The following VDR variants were observed in gnomAD, a reference collection of about 807,000 sequenced individuals.
VDR encodes vitamin D receptor.
A neutral mutation model predicts 39.7 loss-of-function variants in VDR; 19 were observed. The observed-to-expected ratio is 0.48, with a 90% confidence interval of 0.33 to 0.70. The LOEUF is 0.70. Ranked by LOEUF, VDR falls within the 30% of genes least tolerant of loss-of-function variation. The pLI is 0.02. For missense variants in VDR, 442 were observed against 570.5 expected, an observed-to-expected ratio of 0.77 and a Z score of 2.29; for synonymous variants, 242 against 215.8, an observed-to-expected ratio of 1.12 and a Z score of -1.07.
intron 4 of VDR, 93 bp downstream of exon 4, chr12:47,864,954 G>A (rs919584820): frequency 1.9e-6 from 3 of 1,588,582 alleles, no homozygotes; most frequent in Non-Finnish European, 2.6e-6. Flanking sequence ...GGAAGGGCAG[G>A]CAGACCCTCT....
chr12:47,850,653 T>A (rs1945366483), intron 7 of VDR, among the ~76,000 whole-genome samples: 1 of 152,014 alleles, frequency 6.6e-6, no homozygotes, highest in Non-Finnish European at 1.5e-5. Context: ...GGTGGCGTGG[T>A]GGGAGTAGAG....
Position 47,846,748 on chromosome 12 carries a change from C to T in VDR, c.816G>A (p.Met272Ile), listed in dbSNP as rs1945288616. The T allele has an allele frequency of 6.2e-7, 1 of 1,614,042 alleles. No individual in the cohort carries two copies. Among genetic ancestry groups the T allele is most frequent in the African/African-American group, 1.3e-5 (1 of 74,908 alleles). ...TGGTGAAGGACTCATTGGAGCGCAA[C>T]ATGATGACCTCAATGGCACTTGACT... Reference protein sequence around the residue: ...LLKSSAIEVIMLRSNESFTMD... With the variant: ...LLKSSAIEVIILRSNESFTMD... The change falls in exon 8 of 10, where the codon ATG (methionine) becomes ATA (isoleucine). Residue 272 changes from methionine to isoleucine, a missense_variant. Physicochemically the swap from Met to Ile is conservative, Grantham distance 10 (BLOSUM62 1). Coordinates refer to ENST00000549336, the MANE Select transcript of VDR (RefSeq NM_000376.3).
chr12:47,884,515 C>T (rs11574034), intron 1 of VDR, among the ~76,000 whole-genome samples: 2,471 of 152,250 alleles, frequency 0.016, 67 homozygotes, highest in African/African-American at 0.053. Flanking sequence ...CCTACTGCTC[C>T]GCACTGGGCC....
At chr12:47,881,800 TA>T (rs11574045) in intron 2 of VDR, among the ~76,000 whole-genome samples, 10,814 of 152,208 alleles carry the variant, frequency 0.071, 399 homozygotes, top group African/African-American at 0.096. Context: ...TTTTAGAACA[TA>T]GCACACATTC....
chr12:47,865,329 G>C (rs1945708346), intron 3 of VDR, 152 bp from the exon 4 acceptor site: 1 of 1,138,164 alleles, frequency 8.8e-7, no homozygotes, highest in Admixed American at 1.9e-5. Context: ...CTCACCTCTA[G>C]GCTGGGCACC....
chr12:47,901,902 G>T (rs1055641417), intron 1 of VDR, among the ~76,000 whole-genome samples: 1 of 152,226 alleles, frequency 6.6e-6, no homozygotes, highest in Non-Finnish European at 1.5e-5. Flanking sequence ...TCACACGAGT[G>T]GTGGGCTGGG....
chr12:47,880,816 T>C (rs1197254449), intron 2 of VDR, among the ~76,000 whole-genome samples: 3 of 148,584 alleles, frequency 2.0e-5, no homozygotes, highest in Non-Finnish European at 3.0e-5. Context: ...CTTGCTAAAC[T>C]CTAATGTATA....
chr12:47,858,626 TGGCACGGC>T (rs1945546727), intron 4 of VDR, among the ~76,000 whole-genome samples: 1 of 152,234 alleles, frequency 6.6e-6, no homozygotes, highest in African/African-American at 2.4e-5. Flanking sequence ...CAAAGGTGCC[TGGCACGGC>T]GGCTGGGCAA....
intron 5 of VDR, 106 bp from the exon 6 acceptor site, chr12:47,857,355 A>G (rs1592107392): frequency 6.2e-7 from 1 of 1,606,292 alleles, no homozygotes; most frequent in Non-Finnish European, 8.5e-7. Context: ...CAGGAAGGCG[A>G]AGCCTCCCAG....
intron 3 of VDR, among the ~76,000 whole-genome samples, chr12:47,869,244 T>A (rs1355896483): frequency 6.6e-6 from 1 of 151,988 alleles, no homozygotes. Flanking sequence ...AGGCTAGGAA[T>A]AGGAAGAGAA....
intron 4 of VDR, among the ~76,000 whole-genome samples, chr12:47,858,183 T>A (rs914978513): frequency 8.5e-4 from 130 of 152,322 alleles, no homozygotes; most frequent in African/African-American, 3.0e-3. Context: ...CCAGAGCAGA[T>A]GCTCACTAAA....
intron 1 of VDR, among the ~76,000 whole-genome samples, chr12:47,884,588 T>A (rs1946219838): frequency 6.6e-6 from 1 of 152,170 alleles, no homozygotes; most frequent in African/African-American, 2.4e-5. Flanking sequence ...CTCCAGTGGG[T>A]ACTTTATTGC....
chr12:47,900,562 A>G (rs1412014006), intron 1 of VDR, among the ~76,000 whole-genome samples: 1 of 152,116 alleles, frequency 6.6e-6, no homozygotes, highest in African/African-American at 2.4e-5. Flanking sequence ...ACTGGTTCCT[A>G]CCTCACAAGA....
Position 47,855,605 on chromosome 12 carries a change from C to T in VDR, c.755+25G>A, listed in dbSNP as rs61614328. Reference sequence around the variant, plus strand: ...TCAGTCTAGGACTCTGACTCTGTTCCCCAGAGATTGCAGAAGTTTCTTACC... The same window carrying T: ...TCAGTCTAGGACTCTGACTCTGTTCTCCAGAGATTGCAGAAGTTTCTTACC... On this transcript the variant is annotated intron_variant, in intron 7 of 9. Transcript: ENST00000549336. 2,053 of 1,613,528 alleles carry T rather than the reference C, an allele frequency of 1.3e-3. 22 individuals are homozygous for T. In the African/African-American group the frequency reaches 0.024, roughly 19 times the overall value.
chr12:47,901,905 G>A (rs1186367510), intron 1 of VDR, among the ~76,000 whole-genome samples: 1 of 152,230 alleles, frequency 6.6e-6, no homozygotes, highest in African/African-American at 2.4e-5. Flanking sequence ...CACGAGTGGT[G>A]GGCTGGGTCC....
chr12:47,882,813 G>C, intron 1 of VDR, 39 bp from the exon 2 acceptor site: 2 of 1,483,894 alleles, frequency 1.3e-6, no homozygotes, highest in Non-Finnish European at 1.8e-6. Context: ...CTAAGGCGGA[G>C]CGCTGACCGC....
chr12:47,856,528 A>C (rs1456004795), intron 6 of VDR, among the ~76,000 whole-genome samples: 4 of 152,076 alleles, frequency 2.6e-5, no homozygotes, highest in Non-Finnish European at 5.9e-5. Flanking sequence ...ATGCGTACTA[A>C]CTGGTATGGA....
rs113707510 is a variant in VDR at position 47,879,416 on chromosome 12, T to C, written c.-2-301A>G. On this transcript the variant is annotated intron_variant, in intron 2 of 9. Coordinates refer to ENST00000549336, the MANE Select transcript of VDR (RefSeq NM_000376.3). ...GTGGTTCACCTCTGCATGCCCCCGC[T>C]GTCTGCATTGGAAGAGGTGTTTTAC... Among the ~76,000 whole-genome samples, 3 of 151,254 alleles carry C rather than the reference T, an allele frequency of 2.0e-5. 1 individual carries two copies. The highest frequency in any genetic ancestry group is 7.2e-5 in the African/African-American group (3 of 41,520).
chr12:47,889,956 A>G (rs767526974), intron 1 of VDR, among the ~76,000 whole-genome samples: 1 of 151,556 alleles, frequency 6.6e-6, no homozygotes, highest in African/African-American at 2.4e-5. Flanking sequence ...GCCTGAGTCC[A>G]CATAGGCCTG....
Sources: allele counts gnomAD v4.1 joint callset (sites outside exome capture counted in the v4.1 genomes callset), GRCh38; gene constraint gnomAD v4.1.1; transcripts MANE v1.5; gene names NCBI Gene and HGNC (gene_info 2026-07-23, HGNC 2026-07-21).